FBXL17: variants seen among roughly 807,000 people sequenced by gnomAD.
FBXL17 encodes F-box/LRR-repeat protein 17.
A neutral mutation model predicts 66.2 loss-of-function variants in FBXL17; 22 were observed. The observed-to-expected ratio is 0.33, with a 90% CI of 0.24 to 0.47. The LOEUF is 0.47. Ranked by LOEUF, FBXL17 falls within the 20% of genes least tolerant of loss-of-function variation. The pLI is 1.00. For synonymous variants in FBXL17, 474 were observed against 400.5 expected, an observed-to-expected ratio of 1.18 and a Z score of -2.19; for missense variants, 878 against 948.2, an observed-to-expected ratio of 0.93 and a Z score of 0.97.
At chr5:107,956,485 C>T (rs1425873726) in intron 7 of FBXL17, among the ~76,000 whole-genome samples, 2 of 152,154 alleles carry the variant, frequency 1.3e-5, no homozygotes, top group Non-Finnish European at 2.9e-5. Flanking sequence ...CCAGAGGCAC[C>T]AACTCCAGTT....
rs532793746 is a variant in FBXL17 at position 108,335,607 on chromosome 5, G to C, written c.1506+12792C>G. Among the ~76,000 whole-genome samples, 201 of 152,168 alleles carry C rather than the reference G, an allele frequency of 1.3e-3. 2 individuals are homozygous for C. The highest frequency in any genetic ancestry group is 2.1e-3 in the Non-Finnish European group (140 of 67,988). ...TAACAGAAAGGGGGAAGGTACCCAT[G>C]TCTAAAGAATTAACCTGTGACACTA... On this transcript the variant is annotated intron_variant, in intron 4 of 8. Coordinates refer to ENST00000542267, the MANE Select transcript of FBXL17 (RefSeq NM_001163315.3).
At position 108,359,985 on chromosome 5, in the gene FBXL17, T is replaced by C. The variant is rs73216336; in HGVS notation, c.1374+4753A>G. Among the ~76,000 whole-genome samples the C allele has an allele frequency of 8.0e-3, 1,222 of 152,262 alleles. 16 individuals carry two copies. The highest frequency in any genetic ancestry group is 0.027 in the Middle Eastern group (8 of 294). On this transcript the variant is annotated intron_variant, in intron 3 of 8. Coordinates refer to ENST00000542267, the MANE Select transcript of FBXL17 (RefSeq NM_001163315.3). ...TTTAAGGATTCTGTTGTTAGGTACA[T>C]ATGTGGTTATAATTGCTACATCTTC...
At chr5:108,072,158 A>C (rs565272879) in intron 6 of FBXL17, among the ~76,000 whole-genome samples, 1 of 152,178 alleles carries the variant, frequency 6.6e-6, no homozygotes, top group Non-Finnish European at 1.5e-5. Flanking sequence ...TTATGCCAGC[A>C]ACACTTATCT....
chr5:108,206,788 G>T (rs953672487), intron 5 of FBXL17, among the ~76,000 whole-genome samples: 1 of 152,146 alleles, frequency 6.6e-6, no homozygotes, highest in South Asian at 2.1e-4. Flanking sequence ...ACATTTGGGT[G>T]GTTTTAAGTT....
At chr5:108,306,776 C>T (rs183550746) in intron 4 of FBXL17, among the ~76,000 whole-genome samples, 12 of 151,942 alleles carry the variant, frequency 7.9e-5, no homozygotes, top group Non-Finnish European at 1.3e-4. Context: ...GTACAATTTG[C>T]AGGTCTTATA....
chr5:107,933,411 C>T (rs528659059), intron 7 of FBXL17, among the ~76,000 whole-genome samples: 6 of 152,200 alleles, frequency 3.9e-5, no homozygotes, highest in East Asian at 1.9e-4. Context: ...TTTTTACTTA[C>T]GACTTACAAA....
chr5:108,078,803 T>A (rs1344229543), intron 6 of FBXL17, among the ~76,000 whole-genome samples: 3 of 152,190 alleles, frequency 2.0e-5, no homozygotes, highest in Non-Finnish European at 4.4e-5. Context: ...AACCTCAAGA[T>A]ATTAATAGTA....
chr5:108,150,508 A>G (rs895691596), intron 6 of FBXL17, among the ~76,000 whole-genome samples: 4 of 152,168 alleles, frequency 2.6e-5, no homozygotes, highest in Admixed American at 6.5e-5. Context: ...CTGGCCCCCA[A>G]TCATGTTCTT....
intron 8 of FBXL17, chr5:107,879,689 T>G: frequency 3.0e-6 from 3 of 985,474 alleles, no homozygotes; most frequent in South Asian, 9.4e-5. Context: ...ATGCATGCCC[T>G]TTGAATGGCG....
intron 6 of FBXL17, among the ~76,000 whole-genome samples, chr5:108,166,503 T>A (rs1752421953): frequency 6.6e-6 from 1 of 152,178 alleles, no homozygotes; most frequent in Non-Finnish European, 1.5e-5. Flanking sequence ...ATAACCTGAT[T>A]TAAAAAATAC....
chr5:108,135,578 C>T (rs1751101744), intron 6 of FBXL17, among the ~76,000 whole-genome samples: 1 of 152,132 alleles, frequency 6.6e-6, no homozygotes, highest in African/African-American at 2.4e-5. Context: ...TAATTCCTTA[C>T]ACTCCTAAAA....
intron 4 of FBXL17, among the ~76,000 whole-genome samples, chr5:108,269,403 A>G (rs1020832488): frequency 6.6e-6 from 1 of 152,082 alleles, no homozygotes; most frequent in African/African-American, 2.4e-5. Context: ...TGACACCATT[A>G]TCTCTAAGGG....
chr5:108,014,110 A>G (rs1160331025), intron 7 of FBXL17, among the ~76,000 whole-genome samples: 3 of 152,044 alleles, frequency 2.0e-5, no homozygotes, highest in Non-Finnish European at 4.4e-5. Context: ...AAAGATAGGA[A>G]CTCTGTGAAA....
chr5:107,871,692 T>C (rs537655846), intron 8 of FBXL17, among the ~76,000 whole-genome samples: 24 of 151,706 alleles, frequency 1.6e-4, no homozygotes, highest in African/African-American at 5.8e-4. Context: ...ATGGAGAAAG[T>C]TGCTTGGGGG....
intron 6 of FBXL17, among the ~76,000 whole-genome samples, chr5:108,087,669 T>C (rs1749023401): frequency 6.6e-6 from 1 of 152,112 alleles, no homozygotes; most frequent in South Asian, 2.1e-4. Flanking sequence ...CTTTTTCATA[T>C]TATAACACAC....
chr5:108,026,321 A>T (rs17440508), intron 6 of FBXL17, among the ~76,000 whole-genome samples: 18,621 of 152,202 alleles, frequency 0.12, 1,377 homozygotes, highest in East Asian at 0.17. Context: ...ACAGCTATAC[A>T]TAAATGACAA....
chr5:108,321,475 A>T (rs1421616516), intron 4 of FBXL17, among the ~76,000 whole-genome samples: 2 of 151,920 alleles, frequency 1.3e-5, no homozygotes, highest in African/African-American at 4.8e-5. Context: ...AAAAATGGCC[A>T]CTGATTTATA....
chr5:108,317,336 T>G (rs138420136), intron 4 of FBXL17, among the ~76,000 whole-genome samples: 2,399 of 148,614 alleles, frequency 0.016, 72 homozygotes, highest in African/African-American at 0.055. Flanking sequence ...TGTTTTTTGT[T>G]TTTTTTTTTA....
At chr5:107,895,710 T>C (rs565794237) in intron 7 of FBXL17, among the ~76,000 whole-genome samples, 2 of 152,286 alleles carry the variant, frequency 1.3e-5, no homozygotes, top group South Asian at 2.1e-4. Flanking sequence ...TGTTTCTTCT[T>C]TGATTGACCG....
Sources: gnomAD v4.1 joint callset for allele counts (sites outside exome capture counted in the v4.1 genomes callset) on GRCh38, gnomAD v4.1.1 for gene constraint, MANE v1.5 for transcripts, NCBI Gene and HGNC (gene_info 2026-07-23, HGNC 2026-07-21) for gene names.